The following ANKRD44 variants were observed in gnomAD, a reference collection of about 807,000 sequenced individuals.
ANKRD44 encodes serine/threonine-protein phosphatase 6 regulatory ankyrin repeat subunit B.
ANKRD44 carries 35 observed loss-of-function variants against 116.0 expected under a neutral mutation model. That is an observed-to-expected ratio of 0.30 (90% CI 0.23 to 0.40). The LOEUF is 0.40. ANKRD44 is among the 10% of genes least tolerant of loss of function. The pLI is 1.00. For missense variants in ANKRD44, 1,014 were observed against 1,242.6 expected, an observed-to-expected ratio of 0.82 and a Z score of 2.77; for synonymous variants, 435 against 461.8, an observed-to-expected ratio of 0.94 and a Z score of 0.74.
intron 5 of ANKRD44, 148 bp from the exon 6 acceptor site, chr2:197,125,616 G>A: frequency 1.1e-6 from 1 of 887,014 alleles, no homozygotes; most frequent in Admixed American, 2.1e-5. Flanking sequence ...TATGATGTCA[G>A]AGCAGGACAT....
At chr2:197,274,586 G>A (rs1461747697) in intron 1 of ANKRD44, among the ~76,000 whole-genome samples, 1 of 152,194 alleles carries the variant, frequency 6.6e-6, no homozygotes, top group African/African-American at 2.4e-5. Context: ...CTTCCTGCCA[G>A]GTGTGCTGAG....
At chr2:197,273,976 AAAAAATAT>A (rs1559208129) in intron 1 of ANKRD44, among the ~76,000 whole-genome samples, 1 of 53,480 alleles carries the variant, frequency 1.9e-5, no homozygotes, top group Non-Finnish European at 3.6e-5. Context: ...AAAAAAAAAA[AAAAAATAT>A]ATATATATAT....
chr2:197,217,374 C>A (rs529639626), intron 1 of ANKRD44, among the ~76,000 whole-genome samples: 1 of 152,238 alleles, frequency 6.6e-6, no homozygotes, highest in East Asian at 1.9e-4. Context: ...TTGGATAGCT[C>A]CCAAAATGGA....
intron 1 of ANKRD44, chr2:197,302,126 A>T (rs1469029351): frequency 6.5e-6 from 1 of 153,450 alleles, no homozygotes; most frequent in Non-Finnish European, 1.4e-5. Context: ...GGAGGAGGCC[A>T]GTGGGGCTGG....
chr2:197,077,848 T>C (rs2125122323), intron 16 of ANKRD44: 1 of 152,332 alleles, frequency 6.6e-6, no homozygotes, highest in South Asian at 2.1e-4. Flanking sequence ...AATAGTCATC[T>C]CTTTGTAAAT....
At chr2:197,013,462 T>A (rs774344386) in intron 18 of ANKRD44, 49 bp downstream of exon 18, 8 of 1,583,490 alleles carry the variant, frequency 5.1e-6, no homozygotes, top group African/African-American at 1.4e-5. Flanking sequence ...TATTAAAACT[T>A]ACGAACAAGC....
At chr2:197,080,609 A>G (rs2077771079) in intron 15 of ANKRD44, among the ~76,000 whole-genome samples, 1 of 152,128 alleles carries the variant, frequency 6.6e-6, no homozygotes, top group African/African-American at 2.4e-5. Flanking sequence ...GGGGGTATTA[A>G]AGCAAAACTC....
In ANKRD44 at chr2:197,254,730, G is replaced by T. The variant is rs1185491635; in HGVS notation, c.27+55848C>A. Among the ~76,000 whole-genome samples the T allele has an allele frequency of 2.7e-5, 4 of 148,408 alleles. No individual in the cohort carries two copies. In the East Asian group the frequency reaches 7.9e-4, roughly 29 times the overall value. ...GTTCCACCTTACTGTGTGTGTATAT[G>T]TGTGTATAGACACACATACATACAC... On this transcript the variant is annotated intron_variant, in intron 1 of 27. Transcript: ENST00000282272.
intron 10 of ANKRD44, among the ~76,000 whole-genome samples, chr2:197,094,092 C>T (rs370515522): frequency 3.9e-5 from 6 of 152,320 alleles, no homozygotes; most frequent in East Asian, 3.9e-4. Flanking sequence ...AGAGCCTTCA[C>T]ACGATTAGAA....
intron 10 of ANKRD44, among the ~76,000 whole-genome samples, chr2:197,092,861 T>TC (rs397814477): frequency 2.0e-5 from 3 of 151,888 alleles, no homozygotes; most frequent in Non-Finnish European, 4.4e-5. Context: ...TTCTTTTTTT[T>TC]CAATGCATAA....
chr2:197,306,153 G>T (rs527243189), intron 1 of ANKRD44, among the ~76,000 whole-genome samples: 1 of 151,898 alleles, frequency 6.6e-6, no homozygotes, highest in African/African-American at 2.4e-5. Flanking sequence ...AGGAGTTCAG[G>T]GAACGCTGTT....
chr2:197,230,390 A>G (rs367970310), intron 1 of ANKRD44, among the ~76,000 whole-genome samples: 3 of 152,168 alleles, frequency 2.0e-5, no homozygotes, highest in African/African-American at 7.2e-5. Context: ...TGGTCCTACT[A>G]GTCCCAAAGG....
intron 1 of ANKRD44, among the ~76,000 whole-genome samples, chr2:197,286,901 G>A (rs1024796655): frequency 1.3e-5 from 2 of 152,108 alleles, no homozygotes; most frequent in African/African-American, 4.8e-5. Context: ...ATAAAACTAC[G>A]GAGATAGAAA....
At chr2:197,165,953 A>G (rs1192026130) in intron 2 of ANKRD44, among the ~76,000 whole-genome samples, 1 of 152,208 alleles carries the variant, frequency 6.6e-6, no homozygotes, top group Non-Finnish European at 1.5e-5. Flanking sequence ...AGACAAAAAG[A>G]CATGACACTG....
At chr2:197,142,908 G>A (rs1219201961) in intron 3 of ANKRD44, among the ~76,000 whole-genome samples, 1 of 151,476 alleles carries the variant, frequency 6.6e-6, no homozygotes, top group African/African-American at 2.4e-5. Context: ...AAGAGGCCAA[G>A]ATGGGAGGAT....
intron 1 of ANKRD44, among the ~76,000 whole-genome samples, chr2:197,308,185 G>A (rs1388201133): frequency 2.0e-5 from 3 of 149,976 alleles, no homozygotes; most frequent in African/African-American, 7.4e-5. Context: ...AAAAAAAAAA[G>A]GAGGGAGAAA....
chr2:197,229,142 G>C lies in ANKRD44; in HGVS notation c.28-42036C>G, dbSNP rs1226160963. On this transcript the variant is annotated intron_variant, in intron 1 of 27. Transcript: ENST00000282272. ...TGTTCACTTGAACAGAGAAAACACAGGAGGAAAGAATCACAAAAAGTTAAG... is the reference window on the plus strand; with the variant it reads ...TGTTCACTTGAACAGAGAAAACACACGAGGAAAGAATCACAAAAAGTTAAG... 9.9e-5 allele frequency among the ~76,000 whole-genome samples: 15 copies of C among 152,212 alleles called. 1 individual carries two copies.
At chr2:197,279,538 C>T (rs2083203907) in intron 1 of ANKRD44, among the ~76,000 whole-genome samples, 1 of 152,328 alleles carries the variant, frequency 6.6e-6, no homozygotes, top group South Asian at 2.1e-4. Flanking sequence ...CAATCTCCCA[C>T]TGTTGCCCAT....
intron 1 of ANKRD44, among the ~76,000 whole-genome samples, chr2:197,189,582 T>A (rs1413990179): frequency 1.1e-4 from 16 of 152,262 alleles, no homozygotes; most frequent in Non-Finnish European, 1.5e-5. Flanking sequence ...CAAAAAAAAA[T>A]ATTGAATCTT....
Sources: gnomAD v4.1 joint callset for allele counts (sites outside exome capture counted in the v4.1 genomes callset) on GRCh38, gnomAD v4.1.1 for gene constraint, MANE v1.5 for transcripts, NCBI Gene and HGNC (gene_info 2026-07-23, HGNC 2026-07-21) for gene names.